AGBL3: variants seen among roughly 807,000 people sequenced by gnomAD.
The protein encoded by AGBL3 is AGBL carboxypeptidase 3.
AGBL3 carries 68 observed loss-of-function variants against 94.5 expected under a neutral mutation model. That is an observed-to-expected ratio of 0.72 (90% CI 0.59 to 0.88). AGBL3 has a LOEUF of 0.88. Among genes scored for constraint, AGBL3 ranks in the 40% least tolerant of loss-of-function variants. The pLI is 0.00. For missense variants in AGBL3, 934 were observed against 1,103.8 expected, an observed-to-expected ratio of 0.85 and a Z score of 2.18; for synonymous variants, 354 against 370.7, an observed-to-expected ratio of 0.95 and a Z score of 0.52.
chr7:135,048,755 T>G (rs921438004), intron 11 of AGBL3, among the ~76,000 whole-genome samples: 2 of 39,650 alleles, frequency 5.0e-5, no homozygotes, highest in Admixed American at 2.7e-4. Flanking sequence ...TCACAGTTGT[T>G]TTTTTTTTTT....
chr7:135,044,847 G>A (rs934307941), intron 9 of AGBL3, among the ~76,000 whole-genome samples: 2 of 118,972 alleles, frequency 1.7e-5, no homozygotes, highest in Admixed American at 8.4e-5. Flanking sequence ...ATATCTCCCA[G>A]TGCTATCCCT....
At chr7:135,076,280 G>A in intron 12 of AGBL3, 117 bp from the exon 13 acceptor site, 1 of 785,734 alleles carries the variant, frequency 1.3e-6, no homozygotes. Context: ...CTTAGTGGGA[G>A]GAATAAAGTA....
At chr7:135,021,519 C>T (rs2116287901) in intron 5 of AGBL3, among the ~76,000 whole-genome samples, 1 of 152,138 alleles carries the variant, frequency 6.6e-6, no homozygotes, top group African/African-American at 2.4e-5. Context: ...GTCTCGATCT[C>T]CTGACCTTGT....
intron 16 of AGBL3, chr7:135,128,532 A>G (rs1477441994): frequency 5.5e-5 from 42 of 764,964 alleles, no homozygotes; most frequent in Non-Finnish European, 1.7e-5. Context: ...CAGTCTGTCC[A>G]AGGTGGAGAA....
chr7:135,031,709 CTCT>C (rs1461391960), intron 5 of AGBL3, among the ~76,000 whole-genome samples: 1 of 152,188 alleles, frequency 6.6e-6, no homozygotes, highest in Non-Finnish European at 1.5e-5. Context: ...ATGACCTTTA[CTCT>C]TGAATGTGGT....
At chr7:135,116,894 T>G (rs532443337) in intron 16 of AGBL3, among the ~76,000 whole-genome samples, 2 of 152,196 alleles carry the variant, frequency 1.3e-5, no homozygotes, top group Non-Finnish European at 2.9e-5. Context: ...TTTGTGCATG[T>G]GTCTGGGCAC....
intron 15 of AGBL3, among the ~76,000 whole-genome samples, chr7:135,099,358 T>C (rs185844889): frequency 6.6e-6 from 1 of 152,298 alleles, no homozygotes; most frequent in Admixed American, 6.5e-5. Context: ...GAAATATGTA[T>C]GCATATATTT....
chr7:135,125,578 G>T (rs62479727), intron 16 of AGBL3, among the ~76,000 whole-genome samples: 73,780 of 151,946 alleles, frequency 0.49, 18,279 homozygotes, highest in South Asian at 0.66. Flanking sequence ...AAACCAGGAA[G>T]AGACACAACA....
Position 134,993,666 on chromosome 7 carries a change from G to T in AGBL3, c.298G>T (p.Val100Phe). The T allele has an allele frequency of 6.5e-7, 1 of 1,550,254 alleles. No individual in the cohort carries two copies. The highest frequency in any genetic ancestry group is 2.4e-5 in the East Asian group (1 of 40,862). The change falls in exon 4 of 17, where the codon GTC becomes TTC. Residue 100 changes from valine (V) to phenylalanine (F), a missense_variant. Transcript: ENST00000436302. ...PYHCEVIDEK[V>F]QHIDWTPSCP... ...CCATTGTGAAGTCATCGATGAAAAAGTCCAGCATATTGGTATGTTTTTAGC... is the reference window on the plus strand; with the variant it reads ...CCATTGTGAAGTCATCGATGAAAAATTCCAGCATATTGGTATGTTTTTAGC...
At chr7:135,108,739 C>T (rs1361725250) in intron 15 of AGBL3, among the ~76,000 whole-genome samples, 1 of 152,176 alleles carries the variant, frequency 6.6e-6, no homozygotes, top group Non-Finnish European at 1.5e-5. Flanking sequence ...GACTGATGGC[C>T]TCTCTAGCAA....
At chr7:134,991,877 C>CT (rs1238704954) in intron 3 of AGBL3, among the ~76,000 whole-genome samples, 1 of 152,164 alleles carries the variant, frequency 6.6e-6, no homozygotes, top group African/African-American at 2.4e-5. Flanking sequence ...CACCACACTT[C>CT]TCTGTGCATG....
intron 5 of AGBL3, among the ~76,000 whole-genome samples, chr7:135,020,553 T>A (rs4617100): frequency 6.6e-6 from 1 of 152,074 alleles, no homozygotes; most frequent in Non-Finnish European, 1.5e-5. Flanking sequence ...GCGATCCCGT[T>A]ACTGGGTATA....
chr7:135,069,517 C>A (rs1819679605), intron 12 of AGBL3, among the ~76,000 whole-genome samples: 1 of 152,128 alleles, frequency 6.6e-6, no homozygotes, highest in African/African-American at 2.4e-5. Flanking sequence ...GAAATGATAA[C>A]AAACTGTCTC....
intron 4 of AGBL3, chr7:135,010,870 C>T (rs1019549396): frequency 1.3e-5 from 2 of 152,106 alleles, no homozygotes; most frequent in African/African-American, 4.8e-5. Flanking sequence ...TTGGGAGACT[C>T]ATTATTTTAA....
intron 16 of AGBL3, among the ~76,000 whole-genome samples, chr7:135,124,107 T>A (rs1827518924): frequency 6.6e-6 from 1 of 151,760 alleles, no homozygotes; most frequent in Non-Finnish European, 1.5e-5. Context: ...GCAAATTGGA[T>A]AAAGAGTCAA....
chr7:135,050,156 AT>A, intron 11 of AGBL3, among the ~76,000 whole-genome samples: 1 of 151,832 alleles, frequency 6.6e-6, no homozygotes, highest in East Asian at 1.9e-4. Context: ...TGACCCAATG[AT>A]TGTTCAAGAT....
intron 11 of AGBL3, among the ~76,000 whole-genome samples, chr7:135,056,353 C>A (rs1253307444): frequency 6.6e-6 from 1 of 151,856 alleles, no homozygotes; most frequent in African/African-American, 2.4e-5. Context: ...TTAAAGCTTT[C>A]TTCTTTTCTG....
intron 5 of AGBL3, among the ~76,000 whole-genome samples, chr7:135,018,612 C>T (rs1814077849): frequency 6.6e-6 from 1 of 152,122 alleles, no homozygotes; most frequent in Non-Finnish European, 1.5e-5. Context: ...GAAAAAAAGT[C>T]TTGACTTACT....
chr7:135,056,488 G>C (rs1387862196), intron 11 of AGBL3, among the ~76,000 whole-genome samples: 1 of 151,804 alleles, frequency 6.6e-6, no homozygotes, highest in Non-Finnish European at 1.5e-5. Context: ...CACTGGACAT[G>C]GTTATCTATG....
Sources: gnomAD v4.1 joint callset for allele counts (sites outside exome capture counted in the v4.1 genomes callset) on GRCh38, gnomAD v4.1.1 for gene constraint, MANE v1.5 for transcripts, NCBI Gene and HGNC (gene_info 2026-07-23, HGNC 2026-07-21) for gene names.